The following SFPQ variants were observed in gnomAD, a reference collection of about 807,000 sequenced individuals.
SFPQ encodes the protein splicing factor proline and glutamine rich, also known as splicing factor, proline- and glutamine-rich.
In SFPQ, 11 loss-of-function variants were observed where a neutral mutation model predicts 72.9. The observed-to-expected ratio is 0.15, with a 90% CI of 0.09 to 0.25. The LOEUF is 0.25. Ranked by LOEUF, SFPQ falls within the 10% of genes least tolerant of loss-of-function variation. The pLI is 1.00. For missense variants in SFPQ, 847 were observed against 993.3 expected (o/e 0.85, Z 1.98); for synonymous variants, 506 against 367.3 (o/e 1.38, Z -4.32).
At chr1:35,179,077 G>A, downstream of SFPQ, 1 of 1,057,218 alleles carries the variant, frequency 9.5e-7, no homozygotes, top group Non-Finnish European at 1.1e-6. Context: ...AGCCATTTGA[G>A]AACTGCACTA....
Position 35,187,243 on chromosome 1 carries a change from T to C in SFPQ, c.1824A>G (p.Arg608=), listed in dbSNP as rs746020776. Residue 608 remains arginine (R), a synonymous_variant, in exon 8 of 10, where the codon AGA becomes AGG. Coordinates refer to ENST00000357214, the MANE Select transcript of SFPQ (RefSeq NM_005066.3). ...SRMGYMDPRE[R]DMRMGGGGAM... is the part of the protein sequence containing the mutation. ...CTCCTCCGCCACCCATTCGCATGTCTCTTTCCCGCTGCAAGAAAAAAATTC... is the reference window on the plus strand; with the variant it reads ...CTCCTCCGCCACCCATTCGCATGTCCCTTTCCCGCTGCAAGAAAAAAATTC... 13 of 1,614,058 alleles carry C rather than the reference T, an allele frequency of 8.1e-6. No homozygotes were observed.
chr1:35,181,884 A>G (rs1639484070), downstream of SFPQ: 3 of 985,276 alleles, frequency 3.0e-6, no homozygotes, highest in African/African-American at 1.7e-5. Flanking sequence ...AACCCTGAGT[A>G]CATTGCTGTT....
chr1:35,179,294 A>T, downstream of SFPQ: 1 of 1,059,594 alleles, frequency 9.4e-7, no homozygotes. Flanking sequence ...AGTCACACGC[A>T]TCTCTTTATT....
downstream of SFPQ, chr1:35,180,376 G>C (rs747558922): frequency 1.5e-4 from 150 of 1,023,566 alleles, 1 homozygote; most frequent in Non-Finnish European, 1.7e-4. Context: ...AAAGCTAAGG[G>C]AACCAAATTC....
rs186483360 is a variant in SFPQ, at chr1:35,187,046, G to A, written c.1941C>T (p.Gly647=). The change falls in exon 9 of 10, where the codon GGC becomes GGT. Residue 647 remains glycine (G), a synonymous_variant. Transcript: ENST00000357214. ...AACCACTCATGGTTGCTGGTGGAAC[G>A]CCAGGATTAGCTTCATAACCTATGC... ...GGGIGYEANP[G]VPPATMSGSM... is the part of the protein sequence containing the mutation. 2.0e-5 allele frequency: 33 copies of A among 1,613,960 alleles called. No individual in the cohort carries two copies. The Admixed American group carries it at 2.7e-4, about 13-fold the overall frequency.
chr1:35,177,851 C>T, intron 4 of SFPQ: 1 of 255,156 alleles, frequency 3.9e-6, no homozygotes, highest in Non-Finnish European at 6.7e-6. Flanking sequence ...TCCCTAATTT[C>T]CAAACAAAAA....
rs762850220 is a variant in SFPQ at position 35,192,765 on chromosome 1, CTGATGCGGCTGT to C, written c.273_284del (p.Pro93_Gln96del). 7 of 1,498,564 alleles carry C rather than the reference CTGATGCGGCTGT, an allele frequency of 4.7e-6. No individual in the cohort carries two copies. The East Asian group carries it at 1.6e-4, about 34-fold the overall frequency. 92.8% of individuals were successfully genotyped at this position (1,498,564 alleles called of 1,614,324 possible). ...GCGGCGGTGGCGGCGGCTGCTGCTG[CTGATGCGGCTGT>C]GGATGCGGCGGCGGCTGATGCGGTG... On this transcript the variant is annotated inframe_deletion, in exon 1 of 10. Coordinates refer to ENST00000357214, the MANE Select transcript of SFPQ (RefSeq NM_005066.3).
chr1:35,186,082 T>TAA (rs1266155327), intron 9 of SFPQ, among the ~76,000 whole-genome samples: 1 of 152,138 alleles, frequency 6.6e-6, no homozygotes, highest in Non-Finnish European at 1.5e-5. Context: ...CAAAAAGTCT[T>TAA]AGGTAGATTA....
rs1639583801 is a variant in SFPQ, at chr1:35,183,836, T to C, written c.*620A>G. 1.9e-6 allele frequency: 2 copies of C among 1,055,178 alleles called. No individual in the cohort carries two copies. Among genetic ancestry groups the C allele is most frequent in the Non-Finnish European group, 2.3e-6 (2 of 872,896 alleles). The allele number at this position is 1,055,178 out of a possible 1,614,324, so 65.4% of individuals were successfully genotyped here. On this transcript the variant is annotated 3_prime_UTR_variant, in exon 10 of 10. Transcript: ENST00000357214. ...ACCCATTCCACAATCTTAATACATATTCCTGAAGATTTACAGTTCAGCTTT... is the reference window on the plus strand; with the variant it reads ...ACCCATTCCACAATCTTAATACATACTCCTGAAGATTTACAGTTCAGCTTT...
chr1:35,182,138 T>C (rs910565914), downstream of SFPQ: 2 of 985,290 alleles, frequency 2.0e-6, no homozygotes, highest in Non-Finnish European at 2.4e-6. Flanking sequence ...ATTAATTTTA[T>C]AGGCAGATTT....
downstream of SFPQ, chr1:35,180,727 G>C (rs1055773732): frequency 9.4e-7 from 1 of 1,059,542 alleles, no homozygotes; most frequent in Non-Finnish European, 1.1e-6. Context: ...TCTATGGGCA[G>C]GTCAGTTTGC....
chr1:35,189,522 A>C, intron 4 of SFPQ, 140 bp from the exon 5 acceptor site: 1 of 600,558 alleles, frequency 1.7e-6, no homozygotes, highest in African/African-American at 1.8e-5. Context: ...ATCTATAAAT[A>C]TCTTCACAGC....
chr1:35,180,342 T>C (rs1234685147), downstream of SFPQ: 1 of 1,044,760 alleles, frequency 9.6e-7, no homozygotes, highest in Non-Finnish European at 1.2e-6. Context: ...TTGTAAACAT[T>C]TTGGACTATA....
chr1:35,181,436 T>A (rs540375667), downstream of SFPQ: 23 of 1,063,674 alleles, frequency 2.2e-5, no homozygotes, highest in Non-Finnish European at 2.6e-5. Flanking sequence ...CCCCATTTTT[T>A]AGCTGTTTAT....
At chr1:35,192,157 C>CGGGGGCGAGGA (rs1640041867) in intron 1 of SFPQ, 65 bp downstream of exon 1, 2 of 1,239,256 alleles carry the variant, frequency 1.6e-6, no homozygotes, top group Admixed American at 8.2e-5. Context: ...AGCGCGGGGG[C>CGGGGGCGAGGA]GGGGGCGAGG....
chr1:35,182,591 T>C (rs1278520546), downstream of SFPQ: 1 of 985,292 alleles, frequency 1.0e-6, no homozygotes, highest in African/African-American at 1.7e-5. Flanking sequence ...TCTCCTTTTG[T>C]ACACAGGCAC....
downstream of SFPQ, chr1:35,180,420 C>T: frequency 9.6e-7 from 1 of 1,046,390 alleles, no homozygotes; most frequent in Non-Finnish European, 1.2e-6. Context: ...AGTCATCCTA[C>T]AGAAACGACG....
rs1639553067 is a variant in SFPQ at position 35,183,224 on chromosome 1, CCTTT to C, written c.*1228_*1231del. ...TAACTAAACCTACTTCAGTACTAAA[CCTTT>C]TTTTTTTTTTGAGACAGAGTCTCGC... On this transcript the variant is annotated 3_prime_UTR_variant, in exon 10 of 10. Transcript: ENST00000357214. 1.0e-5 allele frequency: 10 copies of C among 986,296 alleles called. No homozygotes were observed. The East Asian group carries it at 4.5e-4, about 44-fold the overall frequency. 61.1% of individuals were successfully genotyped at this position (986,296 alleles called of 1,614,324 possible).
intron 4 of SFPQ, 48 bp downstream of exon 4, chr1:35,190,450 C>T (rs547902465): frequency 7.6e-7 from 1 of 1,309,928 alleles, no homozygotes; most frequent in South Asian, 1.3e-5. Context: ...ATAAATTTAA[C>T]CTTTACACTT....
Sources: allele counts gnomAD v4.1 joint callset (sites outside exome capture counted in the v4.1 genomes callset), GRCh38; gene constraint gnomAD v4.1.1; transcripts MANE v1.5; gene names NCBI Gene and HGNC (gene_info 2026-07-23, HGNC 2026-07-21).